Variants in PDZD8 observed in about 807,000 individuals in gnomAD.
PDZD8 encodes the protein PDZ domain-containing protein 8.
In PDZD8, 14 loss-of-function variants were observed where a neutral mutation model predicts 85.8. The ratio of observed to expected loss-of-function variants is 0.16; its 90% CI spans 0.11 to 0.26. The LOEUF (loss-of-function observed/expected upper bound fraction) is 0.26. Ranked by LOEUF, PDZD8 falls within the 10% of genes least tolerant of loss-of-function variation. The probability of loss-of-function intolerance (pLI) is 1.00; values close to 1 mark genes in which losing one functional copy is unlikely to be tolerated. For synonymous variants in PDZD8, 592 were observed against 568.6 expected (o/e 1.04, Z -0.59); for missense variants, 1,197 against 1,424.3 (o/e 0.84, Z 2.57).
intron 3 of PDZD8, among the ~76,000 whole-genome samples, chr10:117,305,439 T>TACAC (rs58859667): frequency 1.4e-5 from 2 of 146,090 alleles, no homozygotes; most frequent in African/African-American, 5.2e-5. Context: ...ACAAACAAAA[T>TACAC]ACACACACAC....
intron 3 of PDZD8, among the ~76,000 whole-genome samples, chr10:117,300,708 T>G (rs1252378966): frequency 6.6e-6 from 1 of 152,138 alleles, no homozygotes; most frequent in African/African-American, 2.4e-5. Context: ...GATGGGGTCT[T>G]TGGGAGATGA....
At chr10:117,332,458 T>C (rs369424201) in intron 2 of PDZD8, among the ~76,000 whole-genome samples, 5 of 151,036 alleles carry the variant, frequency 3.3e-5, no homozygotes, top group African/African-American at 4.9e-5. Flanking sequence ...TCTAACATAA[T>C]ATAAAAGTTT....
At chr10:117,335,815 T>C (rs996277798) in intron 2 of PDZD8, among the ~76,000 whole-genome samples, 12 of 152,236 alleles carry the variant, frequency 7.9e-5, no homozygotes, top group African/African-American at 2.7e-4. Context: ...TTATGTTTTT[T>C]GTACTTGTAT....
intron 2 of PDZD8, among the ~76,000 whole-genome samples, chr10:117,339,657 C>T (rs990680172): frequency 2.6e-5 from 4 of 152,212 alleles, no homozygotes; most frequent in African/African-American, 9.7e-5. Flanking sequence ...GGCACACAGC[C>T]ACATTCATTC....
At chr10:117,323,224 G>T (rs1270788554) in intron 2 of PDZD8, among the ~76,000 whole-genome samples, 1 of 152,090 alleles carries the variant, frequency 6.6e-6, no homozygotes, top group East Asian at 1.9e-4. Flanking sequence ...CTTTTAATTG[G>T]TATTCAGAAG....
At chr10:117,327,895 GT>G (rs1844344996) in intron 2 of PDZD8, among the ~76,000 whole-genome samples, 1 of 151,888 alleles carries the variant, frequency 6.6e-6, no homozygotes, top group Non-Finnish European at 1.5e-5. Context: ...CATTTCTTCT[GT>G]TGAAGTATAT....
intron 3 of PDZD8, among the ~76,000 whole-genome samples, chr10:117,307,471 T>C (rs965933979): frequency 3.3e-5 from 5 of 152,004 alleles, no homozygotes; most frequent in African/African-American, 1.2e-4. Flanking sequence ...TAATTCACAA[T>C]CATTCATTTA....
rs1791318129 is a variant in PDZD8 at position 117,285,248 on chromosome 10, A to T, written c.1485T>A (p.Asp495Glu). The T allele has an allele frequency of 6.2e-7, 1 of 1,614,158 alleles. No individual in the cohort carries two copies. Among genetic ancestry groups the T allele is most frequent in the South Asian group, 1.1e-5 (1 of 91,086 alleles). ...LTVDTESRELDSEFEDLASDV... is the reference protein window; with the variant it reads ...LTVDTESRELESEFEDLASDV... Reference sequence around the variant, plus strand: ...CACTTGCCAAGTCTTCAAATTCAGAATCCAGCTCTCTACTTTCAGTATCTA... The same window carrying T: ...CACTTGCCAAGTCTTCAAATTCAGATTCCAGCTCTCTACTTTCAGTATCTA... The change falls in exon 5 of 5, where the codon GAT becomes GAA. Residue 495 changes from aspartate (D) to glutamate (E), a missense_variant. By Grantham distance (45) the Asp-to-Glu change is conservative (BLOSUM62 2). Transcript: ENST00000334464.
At chr10:117,363,697 C>T (rs554013549) in intron 1 of PDZD8, among the ~76,000 whole-genome samples, 12 of 152,120 alleles carry the variant, frequency 7.9e-5, no homozygotes, top group Non-Finnish European at 1.6e-4. Flanking sequence ...TACATACCAA[C>T]AAGAACTATT....
intron 2 of PDZD8, among the ~76,000 whole-genome samples, chr10:117,340,607 A>C (rs1269539991): frequency 6.6e-6 from 1 of 152,190 alleles, no homozygotes; most frequent in Admixed American, 6.5e-5. Flanking sequence ...TGCTATACTT[A>C]TCATGATGGT....
intron 1 of PDZD8, among the ~76,000 whole-genome samples, chr10:117,359,089 GA>G (rs909506679): frequency 6.6e-6 from 1 of 151,754 alleles, no homozygotes; most frequent in African/African-American, 2.4e-5. Flanking sequence ...CCTTTGTGAC[GA>G]TATCATTTGT....
chr10:117,295,544 T>G (rs1843741188), intron 3 of PDZD8, among the ~76,000 whole-genome samples: 1 of 152,140 alleles, frequency 6.6e-6, no homozygotes. Context: ...GGTTGCTTCA[T>G]CGGTGAATTC....
At chr10:117,369,784 A>G (rs1002627419) in intron 1 of PDZD8, among the ~76,000 whole-genome samples, 2 of 152,322 alleles carry the variant, frequency 1.3e-5, no homozygotes, top group East Asian at 3.9e-4. Context: ...TGAGAAATGC[A>G]GCACTGGCGC....
At chr10:117,328,640 G>A (rs1281846268) in intron 2 of PDZD8, among the ~76,000 whole-genome samples, 1 of 151,742 alleles carries the variant, frequency 6.6e-6, no homozygotes, top group East Asian at 1.9e-4. Flanking sequence ...ACTCTCTTAC[G>A]AAAAAGTAAC....
intron 2 of PDZD8, among the ~76,000 whole-genome samples, chr10:117,329,836 C>G (rs940378788): frequency 6.6e-6 from 1 of 151,014 alleles, no homozygotes. Flanking sequence ...GTCCTAGCTA[C>G]TCGGGAGGCT....
At chr10:117,370,918 T>TTGTGTGTGTGTGTGTGTGTGTGTG (rs71475194) in intron 1 of PDZD8, among the ~76,000 whole-genome samples, 27 of 146,444 alleles carry the variant, frequency 1.8e-4, no homozygotes, top group South Asian at 1.3e-3. Flanking sequence ...ACAACATAGT[T>TTGTGTGTGTGTGTGTGTGTGTGTG]TGTGTGTGTG....
intron 3 of PDZD8, among the ~76,000 whole-genome samples, chr10:117,298,164 A>C (rs1843786923): frequency 6.6e-6 from 1 of 152,144 alleles, no homozygotes; most frequent in Non-Finnish European, 1.5e-5. Flanking sequence ...TATAAGAAGC[A>C]AGAACAGCGT....
At chr10:117,327,285 A>G (rs1241082845) in intron 2 of PDZD8, among the ~76,000 whole-genome samples, 1 of 152,238 alleles carries the variant, frequency 6.6e-6, no homozygotes, top group Non-Finnish European at 1.5e-5. Flanking sequence ...GACTGTGACC[A>G]AATGGGGGGA....
intron 2 of PDZD8, among the ~76,000 whole-genome samples, chr10:117,330,677 C>T (rs1026596204): frequency 2.6e-5 from 4 of 152,196 alleles, no homozygotes; most frequent in African/African-American, 9.6e-5. Context: ...TCACCTTTAA[C>T]CCACAACACC....
Sources: allele counts gnomAD v4.1 joint callset (sites outside exome capture counted in the v4.1 genomes callset), GRCh38; gene constraint gnomAD v4.1.1; transcripts MANE v1.5; gene names NCBI Gene and HGNC (gene_info 2026-07-23, HGNC 2026-07-21).